Variants in KIAA1614 observed in about 807,000 individuals in gnomAD.
KIAA1614 encodes KIAA1614, also known as uncharacterized protein KIAA1614.
In KIAA1614, 76 loss-of-function variants were observed where a neutral mutation model predicts 88.7. That is an observed-to-expected ratio of 0.86 (90% CI 0.71 to 1.04). KIAA1614 has a LOEUF of 1.04. Ranked by LOEUF, KIAA1614 falls within the 50% of genes least tolerant of loss-of-function variation. KIAA1614 has a pLI of 0.00. For synonymous variants in KIAA1614, 714 were observed against 675.5 expected (o/e 1.06, Z -0.88); for missense variants, 1,553 against 1,582.5 (o/e 0.98, Z 0.32).
intron 7 of KIAA1614, among the ~76,000 whole-genome samples, chr1:180,943,386 A>AT (rs1654513250): frequency 6.8e-6 from 1 of 147,772 alleles, no homozygotes; most frequent in South Asian, 2.2e-4. Context: ...GCTTGGTTCC[A>AT]TATCTTTGCA....
At position 180,945,403 on chromosome 1, in the gene KIAA1614, G is replaced by A. The variant is rs201859148; in HGVS notation, c.3388G>A (p.Gly1130Ser). Residue 1130 changes from glycine (G) to serine (S), a missense_variant, in exon 9 of 9, where the codon GGC (glycine) becomes AGC (serine). By Grantham distance (56) the Gly-to-Ser change is moderately conservative. Transcript: ENST00000367588. ...VGRLVEVFPD[G>S]TSQLQLQRSP... The stretch of plus-strand genomic sequence containing the variant: ...CCGCCTGGTGGAGGTGTTCCCAGAC[G>A]GCACCAGCCAGCTGCAGCTGCAGCG... 17 of 1,604,012 alleles carry A rather than the reference G, an allele frequency of 1.1e-5. No homozygotes were observed. Among genetic ancestry groups the A allele is most frequent in the Middle Eastern group, 1.7e-4 (1 of 5,948 alleles).
chr1:180,933,958 A>T (rs1228570294), intron 4 of KIAA1614, among the ~76,000 whole-genome samples: 1 of 152,224 alleles, frequency 6.6e-6, no homozygotes, highest in Non-Finnish European at 1.5e-5. Flanking sequence ...AATTGCTTAG[A>T]AACCCTGACT....
intron 1 of KIAA1614, among the ~76,000 whole-genome samples, chr1:180,914,252 A>C (rs887226437): frequency 8.5e-5 from 13 of 152,242 alleles, no homozygotes; most frequent in African/African-American, 3.1e-4. Context: ...ATATGCATGC[A>C]ACACCCTGAG....
rs2102278591 is a variant in KIAA1614, at chr1:180,945,709, A to G, written c.*121A>G. 7.1e-7 allele frequency: 1 copy of G among 1,406,586 alleles called. No homozygotes were observed. The highest frequency in any genetic ancestry group is 9.2e-7 in the Non-Finnish European group (1 of 1,091,086). The allele number at this position is 1,406,586 out of a possible 1,614,324, so 87.1% of individuals were successfully genotyped here. A position where few individuals can be genotyped will look rare whatever the true frequency, so the allele number is the denominator to read the frequency against. On this transcript the variant is annotated 3_prime_UTR_variant, in exon 9 of 9. Transcript: ENST00000367588. Reference sequence around the variant, plus strand: ...TCTGCACCTGCAGAGCCTTTGCCCTAGGCAACTGCAGCTGAGAGTGCGTTG... The same window carrying G: ...TCTGCACCTGCAGAGCCTTTGCCCTGGGCAACTGCAGCTGAGAGTGCGTTG...
At chr1:180,930,793 C>T (rs935931184) in intron 4 of KIAA1614, among the ~76,000 whole-genome samples, 135 of 152,190 alleles carry the variant, frequency 8.9e-4, no homozygotes, top group African/African-American at 3.1e-3. Flanking sequence ...GCAGCGCTGG[C>T]GAATCCTCAG....
chr1:180,918,408 C>T (rs1329974242), intron 3 of KIAA1614, among the ~76,000 whole-genome samples: 1 of 152,220 alleles, frequency 6.6e-6, no homozygotes, highest in Admixed American at 6.5e-5. Flanking sequence ...CCACGGCCTT[C>T]GCTCCAGCCC....
intron 4 of KIAA1614, among the ~76,000 whole-genome samples, chr1:180,929,791 G>A (rs1206103477): frequency 1.3e-5 from 2 of 152,244 alleles, no homozygotes; most frequent in African/African-American, 4.8e-5. Flanking sequence ...TCTGCAGCTA[G>A]CAAAGCCTGT....
intron 3 of KIAA1614, 24 bp downstream of exon 3, chr1:180,917,938 T>G: frequency 6.2e-7 from 1 of 1,602,934 alleles, no homozygotes; most frequent in African/African-American, 1.3e-5. Flanking sequence ...GCCCACATTT[T>G]CTCTCCCTCC....
chr1:180,922,449 G>T (rs1230529121), intron 3 of KIAA1614, among the ~76,000 whole-genome samples: 1 of 152,040 alleles, frequency 6.6e-6, no homozygotes, highest in East Asian at 1.9e-4. Flanking sequence ...GGGAGGGCGG[G>T]TCCCGATCTT....
chr1:180,942,864 G>C (rs1020833518), intron 7 of KIAA1614, among the ~76,000 whole-genome samples: 1 of 152,086 alleles, frequency 6.6e-6, no homozygotes, highest in Admixed American at 6.5e-5. Context: ...ATGAGCAGCA[G>C]AGATAAATTT....
intron 3 of KIAA1614, chr1:180,928,216 C>G: frequency 1.9e-6 from 1 of 513,980 alleles, no homozygotes; most frequent in Non-Finnish European, 3.3e-6. Context: ...CCCCAGCCCC[C>G]ATCCAGAGCC....
In KIAA1614 at chr1:180,917,185, A is replaced by G. The variant is rs1653836013; in HGVS notation, c.997+85A>G. The G allele has an allele frequency of 1.4e-5, 15 of 1,051,086 alleles. No homozygotes were observed. In the South Asian group the frequency reaches 2.3e-4, roughly 16 times the overall value. 65.1% of individuals were successfully genotyped at this position (1,051,086 alleles called of 1,614,324 possible). A position where few individuals can be genotyped will look rare whatever the true frequency, so the allele number is the denominator to read the frequency against. On this transcript the variant is annotated intron_variant, in intron 2 of 8. Transcript: ENST00000367588. ...AAAAGGGGACGAGGGGGTCCCACAG[A>G]GGGAGTGGGGCAGGAAAGGAGGGAG...
At chr1:180,917,681 C>T (rs569304151) in intron 2 of KIAA1614, among the ~76,000 whole-genome samples, 170 bp from the exon 3 acceptor site, 1 of 152,290 alleles carries the variant, frequency 6.6e-6, no homozygotes, top group Non-Finnish European at 1.5e-5. Flanking sequence ...TGGCTGTGCC[C>T]ACAGCAGTCA....
chr1:180,935,526 C>T lies in KIAA1614; in HGVS notation c.1617C>T (p.Cys539=). The change falls in exon 5 of 9, where the codon TGC becomes TGT. Residue 539 remains cysteine (C), a synonymous_variant. Transcript: ENST00000367588. This position sits in a 1 kb window ranked among gnomAD's most constrained non-coding sequence, Gnocchi z 6.1. ...APGSERRCQA[C]GSCIDDPRPA... is the part of the protein sequence containing the mutation. ...GCAGCGAGAGGAGGTGCCAGGCCTG[C>T]GGCAGCTGCATCGACGACCCGCGCC... 1.3e-6 allele frequency: 2 copies of T among 1,556,724 alleles called. No homozygotes were observed. Among genetic ancestry groups the T allele is most frequent in the Non-Finnish European group, 8.7e-7 (1 of 1,154,634 alleles).
rs556490222 is a variant in KIAA1614, at chr1:180,943,360, G to T, written c.3160-1029G>T. Among the ~76,000 whole-genome samples the T allele has an allele frequency of 2.7e-5, 4 of 149,942 alleles. No individual in the cohort carries two copies. In the South Asian group the frequency reaches 8.5e-4, roughly 32 times the overall value. On this transcript the variant is annotated intron_variant, in intron 7 of 8. Transcript: ENST00000367588. ...GCCACATTTTCTTTATCCACTTGTT[G>T]GTTGATGGGCACTTAGCTTGGTTCC...
rs1421925237 is a variant in KIAA1614 at position 180,935,393 on chromosome 1, C to T, written c.1484C>T (p.Ala495Val). The change falls in exon 5 of 9, where the codon GCC becomes GTC. Residue 495 changes from alanine (A) to valine (V), a missense_variant. Physicochemically the swap from Ala to Val is moderately conservative, Grantham distance 64. Transcript: ENST00000367588. The surrounding 1 kb of genome is among the most constrained non-coding windows in gnomAD (Gnocchi z 6.1). Reference protein sequence around the residue: ...QGPLRSKPDLADYINGAPRLR... With the variant: ...QGPLRSKPDLVDYINGAPRLR... The stretch of plus-strand genomic sequence containing the variant: ...CCCCTGCGCTCCAAGCCCGACCTCG[C>T]CGACTACATCAACGGGGCTCCCCGG... 1 of 1,471,146 alleles carries T rather than the reference C, an allele frequency of 6.8e-7. No homozygotes were observed. The allele number at this position is 1,471,146 out of a possible 1,614,324, so 91.1% of individuals were successfully genotyped here. A position where few individuals can be genotyped will look rare whatever the true frequency, so the allele number is the denominator to read the frequency against.
chr1:180,928,318 T>C, intron 3 of KIAA1614, 112 bp from the exon 4 acceptor site: 4 of 1,263,246 alleles, frequency 3.2e-6, no homozygotes, highest in Non-Finnish European at 4.2e-6. Flanking sequence ...AGGCTGCACA[T>C]GCAGGGCTTT....
In KIAA1614 at chr1:180,928,517, G is replaced by C. The variant is rs1045161477; in HGVS notation, c.1149G>C (p.Arg383Ser). 1.4e-5 allele frequency: 23 copies of C among 1,613,034 alleles called. No homozygotes were observed. Among genetic ancestry groups the C allele is most frequent in the Non-Finnish European group, 1.9e-5 (22 of 1,179,952 alleles). Reference protein sequence around the residue: ...HLLQRARMKARTRPLRASHDI... With the variant: ...HLLQRARMKASTRPLRASHDI... ...TGCAGCGTGCCCGCATGAAGGCCAGGACCCGGCCCCTCCGTGCCAGCCATG... is the reference window on the plus strand; with the variant it reads ...TGCAGCGTGCCCGCATGAAGGCCAGCACCCGGCCCCTCCGTGCCAGCCATG... Residue 383 changes from arginine (R) to serine (S), a missense_variant, in exon 4 of 9, where the codon AGG becomes AGC. By Grantham distance (110) the Arg-to-Ser change is moderately radical (BLOSUM62 -1). Coordinates refer to ENST00000367588, the MANE Select transcript of KIAA1614 (RefSeq NM_020950.2).
chr1:180,930,709 A>G (rs1240622670), intron 4 of KIAA1614, among the ~76,000 whole-genome samples: 1 of 152,214 alleles, frequency 6.6e-6, no homozygotes, highest in African/African-American at 2.4e-5. Flanking sequence ...TCTCCAGGCC[A>G]TAGAAATGCT....
Sources: allele counts gnomAD v4.1 joint callset (sites outside exome capture counted in the v4.1 genomes callset), GRCh38; gene constraint gnomAD v4.1.1; non-coding constraint Gnocchi (gnomAD v3.1); transcripts MANE v1.5; gene names NCBI Gene and HGNC (gene_info 2026-07-23, HGNC 2026-07-21).